Variants in MMP26 observed in about 807,000 individuals in gnomAD.
The protein encoded by MMP26 is matrix metalloproteinase-26.
In MMP26, 33 loss-of-function variants were observed where a neutral mutation model predicts 31.0. The ratio of observed to expected loss-of-function variants is 1.06; its 90% CI spans 0.81 to 1.42. The LOEUF is 1.42. Ranked by LOEUF, MMP26 falls within the 40% of genes most tolerant of loss-of-function variation. The probability of loss-of-function intolerance (pLI) is 0.00; values close to 1 mark genes in which losing one functional copy is unlikely to be tolerated. For synonymous variants in MMP26, 122 were observed against 114.9 expected, an observed-to-expected ratio of 1.06 and a Z score of -0.40; for missense variants, 347 against 316.1, an observed-to-expected ratio of 1.10 and a Z score of -0.74.
At chr11:4,908,364 C>T in intron 2 of MMP26, 1 of 1,435,176 alleles carries the variant, frequency 7.0e-7, no homozygotes, top group Non-Finnish European at 9.8e-7. Context: ...CTGTCATTTG[C>T]TATGTGCTTA....
intron 2 of MMP26, among the ~76,000 whole-genome samples, chr11:4,858,465 A>G (rs560025004): frequency 2.2e-4 from 33 of 152,316 alleles, no homozygotes; most frequent in Middle Eastern, 3.4e-3. Flanking sequence ...GTGAATTCCC[A>G]TTCACAACTG....
intron 2 of MMP26, among the ~76,000 whole-genome samples, chr11:4,879,524 A>G (rs762660759): frequency 2.6e-5 from 4 of 152,148 alleles, no homozygotes; most frequent in Non-Finnish European, 5.9e-5. Flanking sequence ...CATTTCTGAA[A>G]TAGGCTTGAG....
At chr11:4,883,482 TA>T (rs1850508058) in intron 2 of MMP26, among the ~76,000 whole-genome samples, 2 of 152,180 alleles carry the variant, frequency 1.3e-5, no homozygotes, top group African/African-American at 2.4e-5. Context: ...ATAGAAGTGA[TA>T]TTTTTTCAGT....
chr11:4,759,185 A>C (rs1189673478), intron 1 of MMP26, among the ~76,000 whole-genome samples: 1 of 151,938 alleles, frequency 6.6e-6, no homozygotes, highest in African/African-American at 2.4e-5. Context: ...CCAAGGGACT[A>C]GTAGTTAATA....
At chr11:4,812,367 G>T (rs1237820289) in intron 2 of MMP26, among the ~76,000 whole-genome samples, 1 of 152,078 alleles carries the variant, frequency 6.6e-6, no homozygotes, top group Non-Finnish European at 1.5e-5. Flanking sequence ...AATGACTGAG[G>T]CAAGTCTCGA....
At chr11:4,870,938 TTAAAG>T in intron 2 of MMP26, among the ~76,000 whole-genome samples, 1 of 151,812 alleles carries the variant, frequency 6.6e-6, no homozygotes, top group South Asian at 2.1e-4. Context: ...GAGAGTGGAG[TTAAAG>T]TAGAGGAAAA....
intron 2 of MMP26, among the ~76,000 whole-genome samples, chr11:4,871,063 A>G (rs1323198909): frequency 6.6e-6 from 1 of 152,118 alleles, no homozygotes; most frequent in African/African-American, 2.4e-5. Context: ...AGCAAACATG[A>G]TTTGAGAGAA....
chr11:4,714,920 T>TCTCTCTCTCACACA (rs376354906), intron 1 of MMP26, among the ~76,000 whole-genome samples: 1 of 141,696 alleles, frequency 7.1e-6, no homozygotes, highest in African/African-American at 2.7e-5. Flanking sequence ...TCTCTCTCTC[T>TCTCTCTCTCACACA]CACACACACA....
In MMP26 at chr11:4,767,285, C is replaced by A. The variant is rs978766981; in HGVS notation, c.-201C>A. On this transcript the variant is annotated 5_prime_UTR_variant, in exon 2 of 8. Transcript: ENST00000380390. ...TTTTCCACAGAGTTTCTTACAAAATCGTCCTATCCAGCATGCACTTTTGGA... is the reference window on the plus strand; with the variant it reads ...TTTTCCACAGAGTTTCTTACAAAATAGTCCTATCCAGCATGCACTTTTGGA... 9 of 152,126 alleles carry A rather than the reference C, an allele frequency of 5.9e-5. No homozygotes were observed. The highest frequency in any genetic ancestry group is 2.2e-4 in the African/African-American group (9 of 41,422). The allele number at this position is 152,126 out of a possible 1,614,324, so 9.4% of individuals were successfully genotyped here. A position where few individuals can be genotyped will look rare whatever the true frequency, so the allele number is the denominator to read the frequency against.
intron 2 of MMP26, among the ~76,000 whole-genome samples, chr11:4,793,510 C>T (rs1564910950): frequency 1.3e-5 from 2 of 152,146 alleles, no homozygotes; most frequent in Non-Finnish European, 2.9e-5. Context: ...CTAAGACATT[C>T]TATGTCTGTG....
At chr11:4,811,955 T>C (rs189523186) in intron 2 of MMP26, among the ~76,000 whole-genome samples, 1 of 152,294 alleles carries the variant, frequency 6.6e-6, no homozygotes, top group African/African-American at 2.4e-5. Flanking sequence ...CTCTCCAGGA[T>C]GCACTGAGGA....
intron 1 of MMP26, among the ~76,000 whole-genome samples, chr11:4,728,497 C>T (rs1465839838): frequency 2.0e-5 from 3 of 152,168 alleles, no homozygotes; most frequent in Admixed American, 2.0e-4. Context: ...CCCTGGAGTG[C>T]CCATGGGACT....
intron 2 of MMP26, chr11:4,882,645 C>T: frequency 6.2e-7 from 1 of 1,613,922 alleles, no homozygotes. Context: ...CACATCTGTG[C>T]AGTCACTATT....
At chr11:4,932,147 C>T (rs558873715) in intron 2 of MMP26, among the ~76,000 whole-genome samples, 1 of 151,902 alleles carries the variant, frequency 6.6e-6, no homozygotes, top group Non-Finnish European at 1.5e-5. Context: ...CAGCAACAGG[C>T]AGGCACAGAC....
chr11:4,882,049 C>A, intron 2 of MMP26: 5 of 1,613,820 alleles, frequency 3.1e-6, no homozygotes, highest in Non-Finnish European at 4.2e-6. Flanking sequence ...TCTTTCTTGT[C>A]ATCATTACTA....
chr11:4,780,875 ATCTT>A (rs1165823568), intron 2 of MMP26, among the ~76,000 whole-genome samples: 14 of 151,694 alleles, frequency 9.2e-5, no homozygotes, highest in African/African-American at 2.4e-4. Flanking sequence ...CTATAAATAA[ATCTT>A]TATAGGTAAA....
At chr11:4,742,180 A>G (rs1234033999) in intron 1 of MMP26, among the ~76,000 whole-genome samples, 1 of 152,234 alleles carries the variant, frequency 6.6e-6, no homozygotes, top group Non-Finnish European at 1.5e-5. Context: ...GCAAATATGT[A>G]CTGTACATCT....
rs138718915 is a variant in MMP26 at position 4,888,078 on chromosome 11, A to G, written c.-144-99990A>G. 4.9e-3 allele frequency among the ~76,000 whole-genome samples: 751 copies of G among 152,254 alleles called. 9 individuals carry two copies. The highest frequency in any genetic ancestry group is 0.015 in the African/African-American group (644 of 41,554). ...TGTAAGACTAGTTGAACCTTCTTCA[A>G]AATGGTTCTCTGAAACAGAAATAAC... On this transcript the variant is annotated intron_variant, in intron 2 of 7. Transcript: ENST00000380390.
At chr11:4,767,508 A>G (rs1589894302) in intron 2 of MMP26, among the ~76,000 whole-genome samples, 167 bp downstream of exon 2, 2 of 152,320 alleles carry the variant, frequency 1.3e-5, no homozygotes, top group East Asian at 1.9e-4. Context: ...GAGGTCAAAC[A>G]TAAAATATAC....
Sources: gnomAD v4.1 joint callset for allele counts (sites outside exome capture counted in the v4.1 genomes callset) on GRCh38, gnomAD v4.1.1 for gene constraint, MANE v1.5 for transcripts, NCBI Gene and HGNC (gene_info 2026-07-23, HGNC 2026-07-21) for gene names.